Variants in ASTN2 observed in about 807,000 individuals in gnomAD.
The protein encoded by ASTN2 is astrotactin 2.
Under a neutral mutation model 139.8 loss-of-function variants are expected in ASTN2, and 54 were observed. That is an observed-to-expected ratio of 0.39 (90% CI 0.31 to 0.48). ASTN2 has a LOEUF of 0.48. Ranked by LOEUF, ASTN2 falls within the 20% of genes least tolerant of loss-of-function variation. The pLI is 0.95. For missense variants in ASTN2, 1,565 were observed against 1,725.1 expected (o/e 0.91, Z 1.64); for synonymous variants, 756 against 719.5 (o/e 1.05, Z -0.81).
chr9:116,859,117 C>T (rs530786389), intron 11 of ASTN2, among the ~76,000 whole-genome samples: 2 of 152,360 alleles, frequency 1.3e-5, no homozygotes, highest in South Asian at 4.1e-4. Flanking sequence ...CTGCCTCTCT[C>T]TACCCCACTC....
At chr9:116,624,097 C>T (rs922191419) in intron 17 of ASTN2, among the ~76,000 whole-genome samples, 5 of 152,000 alleles carry the variant, frequency 3.3e-5, no homozygotes, top group African/African-American at 9.7e-5. Flanking sequence ...GACTTGTAAA[C>T]GCTTCCAACT....
intron 13 of ASTN2, among the ~76,000 whole-genome samples, chr9:116,783,334 TTCCC>T (rs1389179779): frequency 2.7e-5 from 3 of 110,348 alleles, no homozygotes; most frequent in Non-Finnish European, 3.5e-5. Flanking sequence ...CTATCTCTCT[TTCCC>T]TCCCTCCCTC....
At chr9:116,988,139 G>A (rs996161418) in intron 7 of ASTN2, among the ~76,000 whole-genome samples, 2 of 152,222 alleles carry the variant, frequency 1.3e-5, no homozygotes, top group African/African-American at 4.8e-5. Context: ...ATTCTCAAAT[G>A]CTGAATTCAG....
intron 2 of ASTN2, among the ~76,000 whole-genome samples, chr9:117,229,383 T>G (rs1186123425): frequency 6.6e-6 from 1 of 152,210 alleles, no homozygotes; most frequent in East Asian, 1.9e-4. Flanking sequence ...GTACATCTAT[T>G]GCCTTCCAAG....
chr9:116,681,052 G>T (rs1045854164), intron 16 of ASTN2, among the ~76,000 whole-genome samples: 1 of 152,082 alleles, frequency 6.6e-6, no homozygotes, highest in African/African-American at 2.4e-5. Context: ...GGAAATAAAG[G>T]GTATTCAATT....
At chr9:116,827,883 A>T (rs1315376278) in intron 11 of ASTN2, among the ~76,000 whole-genome samples, 1 of 152,188 alleles carries the variant, frequency 6.6e-6, no homozygotes, top group Non-Finnish European at 1.5e-5. Context: ...TTTCTAACTC[A>T]TTCTATCAGG....
At chr9:116,512,150 A>G (rs1342661165) in intron 19 of ASTN2, among the ~76,000 whole-genome samples, 2 of 152,086 alleles carry the variant, frequency 1.3e-5, no homozygotes, top group Admixed American at 1.3e-4. Flanking sequence ...AGTGCTATAA[A>G]TCTCCCTCAC....
intron 2 of ASTN2, among the ~76,000 whole-genome samples, chr9:117,239,267 G>GGCTAGGCACCTGAA (rs1833137477): frequency 6.6e-6 from 1 of 152,088 alleles, no homozygotes; most frequent in Non-Finnish European, 1.5e-5. Context: ...CCAGGCATTG[G>GGCTAGGCACCTGAA]GCTAGGCACC....
intron 1 of ASTN2, among the ~76,000 whole-genome samples, chr9:117,328,052 G>A (rs1339503241): frequency 2.0e-5 from 3 of 152,142 alleles, no homozygotes; most frequent in African/African-American, 7.2e-5. Context: ...GGAGAGAAGA[G>A]GGCTGTGGAA....
chr9:116,739,840 G>A (rs1450091278), intron 13 of ASTN2, among the ~76,000 whole-genome samples: 1 of 152,150 alleles, frequency 6.6e-6, no homozygotes, highest in Non-Finnish European at 1.5e-5. Flanking sequence ...AGCAGTGAAG[G>A]AAGAAAACCC....
chr9:116,666,416 A>G (rs1858865521), intron 16 of ASTN2, among the ~76,000 whole-genome samples: 1 of 152,208 alleles, frequency 6.6e-6, no homozygotes, highest in Non-Finnish European at 1.5e-5. Context: ...AAAACATAGT[A>G]GTATGAACAT....
At chr9:116,569,862 G>T (rs1564123810) in intron 19 of ASTN2, among the ~76,000 whole-genome samples, 1 of 152,200 alleles carries the variant, frequency 6.6e-6, no homozygotes, top group African/African-American at 2.4e-5. Context: ...TTGGGGAAAT[G>T]ACCAGCAAGT....
intron 1 of ASTN2, among the ~76,000 whole-genome samples, chr9:117,301,667 G>A (rs1834878670): frequency 6.6e-6 from 1 of 152,160 alleles, no homozygotes; most frequent in Non-Finnish European, 1.5e-5. Context: ...ATAAGTACCA[G>A]GGCAGTAGGC....
At chr9:117,041,204 T>C (rs1238442821) in intron 5 of ASTN2, among the ~76,000 whole-genome samples, 1 of 152,164 alleles carries the variant, frequency 6.6e-6, no homozygotes, top group Admixed American at 6.5e-5. Context: ...TTCTTTAGGC[T>C]TTGTTCTTCA....
intron 19 of ASTN2, among the ~76,000 whole-genome samples, chr9:116,561,102 G>GA (rs1430721781): frequency 8.6e-5 from 13 of 152,034 alleles, no homozygotes; most frequent in African/African-American, 3.1e-4. Flanking sequence ...AATGCTTTAA[G>GA]AGAGAGAGAG....
At chr9:116,765,046 T>C (rs1382088458) in intron 13 of ASTN2, among the ~76,000 whole-genome samples, 1 of 152,180 alleles carries the variant, frequency 6.6e-6, no homozygotes, top group African/African-American at 2.4e-5. Context: ...AGACGCTGTG[T>C]GAAATGCTGA....
rs149509191 is a variant in ASTN2 at position 116,699,584 on chromosome 9, G to A, written c.2806+26187C>T. 12 of 1,614,072 alleles carry A rather than the reference G, an allele frequency of 7.4e-6. No homozygotes were observed. Among genetic ancestry groups the A allele is most frequent in the African/African-American group, 1.3e-5 (1 of 74,910 alleles). ...GGGGCTATAGTGTCCTTATTCGAGA[G>A]GGACTTACCTGTCCGGTGGGCATAG... On this transcript the variant is annotated intron_variant, in intron 16 of 22. Coordinates refer to ENST00000313400, the MANE Select transcript of ASTN2 (RefSeq NM_001365068.1). This position sits in a 1 kb window ranked among gnomAD's most constrained non-coding sequence, Gnocchi z 4.2.
intron 2 of ASTN2, among the ~76,000 whole-genome samples, chr9:117,226,089 C>T (rs1422284854): frequency 6.6e-6 from 1 of 152,106 alleles, no homozygotes; most frequent in African/African-American, 2.4e-5. Context: ...AAGTGTAAAA[C>T]GTAGAGAAAG....
chr9:116,697,184 G>GTGCT (rs1157637765), intron 16 of ASTN2, among the ~76,000 whole-genome samples: 1 of 152,102 alleles, frequency 6.6e-6, no homozygotes, highest in Non-Finnish European at 1.5e-5. Flanking sequence ...TAATTCTCCT[G>GTGCT]TGCTTTTCTC....
Sources: gnomAD v4.1 joint callset for allele counts (sites outside exome capture counted in the v4.1 genomes callset) on GRCh38, gnomAD v4.1.1 for gene constraint, Gnocchi (gnomAD v3.1) non-coding constraint, MANE v1.5 for transcripts, NCBI Gene and HGNC (gene_info 2026-07-23, HGNC 2026-07-21) for gene names.